The following COL5A2 variants were observed in gnomAD, a reference collection of about 807,000 sequenced individuals.
COL5A2 encodes collagen alpha-2(V) chain.
COL5A2 carries 23 observed loss-of-function variants against 208.2 expected under a neutral mutation model. The ratio of observed to expected loss-of-function variants is 0.11; its 90% confidence interval spans 0.08 to 0.16. The LOEUF (loss-of-function observed/expected upper bound fraction) is 0.16, where lower values mean the gene tolerates loss of function less well. Ranked by LOEUF, COL5A2 falls within the 10% of genes least tolerant of loss-of-function variation. The pLI is 1.00. For missense variants in COL5A2, 1,590 were observed against 1,956.4 expected (o/e 0.81, Z 3.53); for synonymous variants, 625 against 628.5 (o/e 0.99, Z 0.08).
At chr2:189,164,577 A>G (rs756300411) in intron 1 of COL5A2, among the ~76,000 whole-genome samples, 4 of 151,956 alleles carry the variant, frequency 2.6e-5, no homozygotes, top group Admixed American at 1.3e-4. Flanking sequence ...GATTATTATT[A>G]TTATTGTTTA....
At chr2:189,053,299 A>G (rs1473025424) in intron 38 of COL5A2, 125 bp downstream of exon 38, 4 of 878,272 alleles carry the variant, frequency 4.6e-6, no homozygotes, top group Non-Finnish European at 5.5e-6. Context: ...ATTGAAAATG[A>G]GAATATTGTC....
At chr2:189,293,450 A>G in the COL5A2 span, among the ~76,000 whole-genome samples, 1 of 152,254 alleles carries the variant, frequency 6.6e-6, no homozygotes, top group African/African-American at 2.4e-5. Flanking sequence ...ATTTTCCAGT[A>G]GGATAGAACA....
chr2:189,406,724 A>T, the COL5A2 span, among the ~76,000 whole-genome samples: 1 of 152,200 alleles, frequency 6.6e-6, no homozygotes, highest in Non-Finnish European at 1.5e-5. Context: ...TGTTATTCAA[A>T]TACAAAATGC....
the COL5A2 span, among the ~76,000 whole-genome samples, chr2:189,341,877 T>C: frequency 3.2e-4 from 48 of 152,164 alleles, no homozygotes; most frequent in African/African-American, 1.2e-3. Context: ...TTTGTTAATA[T>C]AATTTCCTTA....
At chr2:189,243,858 G>A in the COL5A2 span, among the ~76,000 whole-genome samples, 2 of 152,128 alleles carry the variant, frequency 1.3e-5, no homozygotes, top group East Asian at 1.9e-4. Flanking sequence ...GGATAAATAC[G>A]GCCATTCAAA....
intron 51 of COL5A2, among the ~76,000 whole-genome samples, chr2:189,037,642 T>G (rs1685470702): frequency 6.6e-6 from 1 of 152,190 alleles, no homozygotes; most frequent in Admixed American, 6.5e-5. Flanking sequence ...AATGACAGAA[T>G]AAGGTAAACT....
chr2:189,253,432 T>A, the COL5A2 span, among the ~76,000 whole-genome samples: 1 of 152,162 alleles, frequency 6.6e-6, no homozygotes, highest in Non-Finnish European at 1.5e-5. Flanking sequence ...CCATACCGAG[T>A]TCTTGGCAAC....
the COL5A2 span, among the ~76,000 whole-genome samples, chr2:189,359,971 A>G: frequency 6.6e-6 from 1 of 152,080 alleles, no homozygotes; most frequent in Non-Finnish European, 1.5e-5. Context: ...TAGTCTAGCT[A>G]AAGATTTGTC....
At chr2:189,161,634 A>C (rs1372913011) in intron 1 of COL5A2, among the ~76,000 whole-genome samples, 1 of 152,226 alleles carries the variant, frequency 6.6e-6, no homozygotes, top group Non-Finnish European at 1.5e-5. Flanking sequence ...TTAATTTTGA[A>C]ACATGAAGAA....
the COL5A2 span, among the ~76,000 whole-genome samples, chr2:189,239,874 C>T: frequency 2.6e-5 from 4 of 151,922 alleles, no homozygotes; most frequent in Admixed American, 6.6e-5. Flanking sequence ...ACTGATTGTC[C>T]CCTAGCATCT....
chr2:189,152,056 C>T (rs1410042616), intron 1 of COL5A2, among the ~76,000 whole-genome samples: 2 of 151,976 alleles, frequency 1.3e-5, no homozygotes, highest in Non-Finnish European at 2.9e-5. Context: ...GAACAGAATT[C>T]TTCAAAATCT....
At chr2:189,098,424 C>A (rs921055037) in intron 5 of COL5A2, among the ~76,000 whole-genome samples, 2 of 152,174 alleles carry the variant, frequency 1.3e-5, no homozygotes, top group East Asian at 1.9e-4. Context: ...CAAGTATGCC[C>A]TAATTTCAGT....
At chr2:189,147,310 A>G (rs1434253444) in intron 1 of COL5A2, among the ~76,000 whole-genome samples, 1 of 152,180 alleles carries the variant, frequency 6.6e-6, no homozygotes, top group Non-Finnish European at 1.5e-5. Context: ...AAGCCAAGAC[A>G]TATGACCTAC....
At chr2:189,054,312 T>C in intron 35 of COL5A2, 100 bp from the exon 36 acceptor site, 1 of 885,398 alleles carries the variant, frequency 1.1e-6, no homozygotes, top group Non-Finnish European at 1.9e-6. Flanking sequence ...TATTTTGTTA[T>C]AATTTGGCTG....
At chr2:189,312,099 T>C in the COL5A2 span, 10 of 796,296 alleles carry the variant, frequency 1.3e-5, no homozygotes, top group East Asian at 2.4e-5. Flanking sequence ...GATGCTGGCA[T>C]TGTCCACAGC....
the COL5A2 span, among the ~76,000 whole-genome samples, chr2:189,393,401 C>T: frequency 6.6e-6 from 1 of 152,092 alleles, no homozygotes; most frequent in Non-Finnish European, 1.5e-5. Context: ...TTTACACAAT[C>T]TCATTAATTC....
At chr2:189,226,232 C>T (rs1453519387), upstream of COL5A2, among the ~76,000 whole-genome samples, 2 of 152,042 alleles carry the variant, frequency 1.3e-5, no homozygotes, top group African/African-American at 4.8e-5. Context: ...ACTCAGCAAA[C>T]AAAAGCATAT....
At chr2:189,220,575 T>A (rs190681132) in intron 1 of COL5A2, among the ~76,000 whole-genome samples, 2 of 152,180 alleles carry the variant, frequency 1.3e-5, no homozygotes, top group African/African-American at 4.8e-5. Flanking sequence ...CTGATTTTTT[T>A]AAATCAAATA....
the COL5A2 span, among the ~76,000 whole-genome samples, chr2:189,370,527 T>C: frequency 6.6e-6 from 1 of 152,000 alleles, no homozygotes; most frequent in African/African-American, 2.4e-5. Context: ...GCTGTCACAT[T>C]ATCTAAAATA....
Sources: gnomAD v4.1 joint callset for allele counts (sites outside exome capture counted in the v4.1 genomes callset) on GRCh38, gnomAD v4.1.1 for gene constraint, MANE v1.5 for transcripts, NCBI Gene and HGNC (gene_info 2026-07-23, HGNC 2026-07-21) for gene names.